RIMS1: variants seen among roughly 807,000 people sequenced by gnomAD.
RIMS1 encodes the protein regulating synaptic membrane exocytosis 1.
RIMS1 carries 83 observed loss-of-function variants against 214.1 expected under a neutral mutation model. The ratio of observed to expected loss-of-function variants is 0.39; its 90% CI spans 0.32 to 0.47. The LOEUF (loss-of-function observed/expected upper bound fraction) is 0.47. RIMS1 is among the 20% of genes least tolerant of loss of function. The pLI is 0.99. For missense variants in RIMS1, 2,050 were observed against 2,161.8 expected, an observed-to-expected ratio of 0.95 and a Z score of 1.03; for synonymous variants, 793 against 786.8, an observed-to-expected ratio of 1.01 and a Z score of -0.13.
chr6:72,305,484 T>C, intron 26 of RIMS1, among the ~76,000 whole-genome samples: 1 of 152,162 alleles, frequency 6.6e-6, no homozygotes, highest in East Asian at 1.9e-4. Flanking sequence ...GCAGTCCATT[T>C]GACTTACTCA....
At chr6:71,921,286 A>T (rs1017525993) in intron 1 of RIMS1, among the ~76,000 whole-genome samples, 4 of 152,002 alleles carry the variant, frequency 2.6e-5, no homozygotes, top group Admixed American at 6.6e-5. Flanking sequence ...ATGCCCAGCT[A>T]ATTTTTGTAT....
At chr6:71,889,669 C>T (rs1048213809) in intron 1 of RIMS1, among the ~76,000 whole-genome samples, 2 of 152,060 alleles carry the variant, frequency 1.3e-5, no homozygotes, top group African/African-American at 4.8e-5. Flanking sequence ...ATAGGGGACA[C>T]TTTATGTCTT....
At chr6:72,202,890 G>A (rs192828343) in intron 6 of RIMS1, among the ~76,000 whole-genome samples, 11 of 152,304 alleles carry the variant, frequency 7.2e-5, no homozygotes, top group African/African-American at 1.2e-4. Flanking sequence ...TGCACATACC[G>A]CATGGAGTAG....
chr6:71,933,010 T>C (rs1356354368), intron 1 of RIMS1, among the ~76,000 whole-genome samples: 3 of 152,164 alleles, frequency 2.0e-5, no homozygotes, highest in Non-Finnish European at 4.4e-5. Flanking sequence ...CGACCCAAAC[T>C]GACAATAATC....
intron 2 of RIMS1, among the ~76,000 whole-genome samples, chr6:72,031,681 G>C (rs941739226): frequency 2.2e-4 from 33 of 152,110 alleles, no homozygotes; most frequent in Admixed American, 5.2e-4. Context: ...ATGCCAGGCA[G>C]AGGTAAAAGC....
At chr6:72,212,094 A>C (rs924773395) in intron 6 of RIMS1, among the ~76,000 whole-genome samples, 3 of 152,140 alleles carry the variant, frequency 2.0e-5, no homozygotes, top group Admixed American at 2.0e-4. Context: ...TCTGTATTGA[A>C]ATCCAAAACA....
chr6:71,972,258 G>A (rs1475220416), intron 2 of RIMS1, among the ~76,000 whole-genome samples: 2 of 152,118 alleles, frequency 1.3e-5, no homozygotes, highest in Non-Finnish European at 2.9e-5. Context: ...TCATATAGAG[G>A]CCATTGGTGG....
intron 2 of RIMS1, among the ~76,000 whole-genome samples, chr6:71,988,581 T>C (rs1399087237): frequency 6.6e-6 from 1 of 152,204 alleles, no homozygotes; most frequent in African/African-American, 2.4e-5. Context: ...CATGAATGTC[T>C]ACCCATAGGA....
intron 6 of RIMS1, among the ~76,000 whole-genome samples, chr6:72,199,414 T>C (rs1217044986): frequency 6.6e-6 from 1 of 152,112 alleles, no homozygotes; most frequent in African/African-American, 2.4e-5. Flanking sequence ...ATTTTCTTGG[T>C]TCTAGGGTAT....
intron 2 of RIMS1, among the ~76,000 whole-genome samples, chr6:72,064,329 GAA>G (rs200378998): frequency 0.082 from 10,362 of 126,034 alleles, 386 homozygotes; most frequent in Middle Eastern, 0.12. Context: ...AAGAAAGAAA[GAA>G]AGAGAGAGAG....
chr6:72,195,165 G>T (rs1444232516), intron 6 of RIMS1, among the ~76,000 whole-genome samples: 3 of 152,146 alleles, frequency 2.0e-5, no homozygotes, highest in Non-Finnish European at 4.4e-5. Flanking sequence ...CTAAGGCAGG[G>T]AGTTGGAAGA....
intron 10 of RIMS1, 54 bp downstream of exon 10, chr6:72,242,491 G>T (rs1590196677): frequency 7.4e-7 from 1 of 1,349,392 alleles, no homozygotes; most frequent in East Asian, 2.5e-5. Context: ...GTATTAGTAG[G>T]GTTTTAAAAA....
At chr6:72,175,788 T>C (rs555849471) in intron 4 of RIMS1, among the ~76,000 whole-genome samples, 1 of 152,284 alleles carries the variant, frequency 6.6e-6, no homozygotes, top group Admixed American at 6.5e-5. Context: ...GCTCTGTAAA[T>C]ATTTTAATAT....
At chr6:72,059,929 G>A (rs957096686) in intron 2 of RIMS1, among the ~76,000 whole-genome samples, 3 of 151,706 alleles carry the variant, frequency 2.0e-5, no homozygotes, top group Admixed American at 6.6e-5. Context: ...TCAATGAAGC[G>A]GCTTTTTATT....
At position 72,167,995 on chromosome 6, in the gene RIMS1, G is replaced by A. The variant is rs2496490; in HGVS notation, c.472-11580G>A. On this transcript the variant is annotated intron_variant, in intron 4 of 33. Coordinates refer to ENST00000521978, the MANE Select transcript of RIMS1 (RefSeq NM_014989.7). ...TTTTTGGCAATTTAAAATTTTGAAA[G>A]ATCTGGAAATGGTATGGATAATTTA... 5.2e-3 allele frequency among the ~76,000 whole-genome samples: 784 copies of A among 151,860 alleles called. 5 individuals are homozygous for A. The highest frequency in any genetic ancestry group is 0.027 in the South Asian group (128 of 4,796).
chr6:72,348,246 A>G (rs1195525201), intron 29 of RIMS1, among the ~76,000 whole-genome samples: 2 of 151,938 alleles, frequency 1.3e-5, no homozygotes, highest in African/African-American at 4.8e-5. Context: ...GCCCGCTTAT[A>G]CACAAATTTT....
At chr6:72,223,180 T>C (rs1188587331) in intron 6 of RIMS1, among the ~76,000 whole-genome samples, 2 of 152,200 alleles carry the variant, frequency 1.3e-5, no homozygotes, top group South Asian at 4.1e-4. Context: ...AGCTCAGATT[T>C]TGTTCTATTG....
rs61651151 is a variant in RIMS1, at chr6:72,196,580, C to CTTTTTTTTTTTTTTTTTTTTTTTTT, written c.1678+13454_1678+13455insTTTTTTTTTTTTTTTTTTTTTTTTT. Among the ~76,000 whole-genome samples, 19 of 57,206 alleles carry CTTTTTTTTTTTTTTTTTTTTTTTTT rather than the reference C, an allele frequency of 3.3e-4. 7 individuals carry two copies. The highest frequency in any genetic ancestry group is 8.7e-4 in the African/African-American group (11 of 12,668). The allele number at this position is 57,206 out of a possible 152,430, so 37.5% of individuals were successfully genotyped here. A position where few individuals can be genotyped will look rare whatever the true frequency, so the allele number is the denominator to read the frequency against. Reference sequence around the variant, plus strand: ...AGTACTGTGCTGGCAGCCAGCTGCACTTTTTTTTTTTTTTTTTTTTTTTAC... The same window carrying CTTTTTTTTTTTTTTTTTTTTTTTTT: ...AGTACTGTGCTGGCAGCCAGCTGCACTTTTTTTTTTTTTTTTTTTTTTTTTTTTTTTTTTTTTTTTTTTTTTTTAC... On this transcript the variant is annotated intron_variant, in intron 6 of 33. Coordinates refer to ENST00000521978, the MANE Select transcript of RIMS1 (RefSeq NM_014989.7).
chr6:72,314,860 C>G (rs887711465), intron 28 of RIMS1, among the ~76,000 whole-genome samples: 2 of 151,940 alleles, frequency 1.3e-5, no homozygotes, highest in African/African-American at 4.8e-5. Context: ...TCACTGAAAA[C>G]AATTTGAAGT....
Sources: allele counts gnomAD v4.1 joint callset (sites outside exome capture counted in the v4.1 genomes callset), GRCh38; gene constraint gnomAD v4.1.1; transcripts MANE v1.5; gene names NCBI Gene and HGNC (gene_info 2026-07-23, HGNC 2026-07-21).